The following RIN2 variants were observed in gnomAD, a reference collection of about 807,000 sequenced individuals.
RIN2 encodes the protein RAB5 interacting protein 2.
Under a neutral mutation model 78.0 loss-of-function variants are expected in RIN2, and 36 were observed. The ratio of observed to expected loss-of-function variants is 0.46; its 90% CI spans 0.35 to 0.61. The LOEUF is 0.61. Among genes scored for constraint, RIN2 ranks in the 20% least tolerant of loss-of-function variants. The pLI is 0.00. For missense variants in RIN2, 1,087 were observed against 1,159.7 expected (o/e 0.94, Z 0.91); for synonymous variants, 466 against 466.8 (o/e 1.00, Z 0.02).
At chr20:19,955,198 G>A (rs941951220) in intron 4 of RIN2, among the ~76,000 whole-genome samples, 2 of 152,120 alleles carry the variant, frequency 1.3e-5, no homozygotes, top group African/African-American at 4.8e-5. Flanking sequence ...TGTAAATCGA[G>A]TCATTCAGTA....
intron 3 of RIN2, among the ~76,000 whole-genome samples, chr20:19,928,558 A>T (rs907664407): frequency 1.3e-5 from 2 of 152,110 alleles, no homozygotes; most frequent in Non-Finnish European, 2.9e-5. Flanking sequence ...CCTGCACCAG[A>T]CTGGAACTCA....
intron 2 of RIN2, among the ~76,000 whole-genome samples, chr20:19,866,382 G>T (rs190672155): frequency 6.6e-6 from 1 of 152,256 alleles, no homozygotes; most frequent in Non-Finnish European, 1.5e-5. Flanking sequence ...ATATAGGACT[G>T]ATGAACTCCA....
intron 1 of RIN2, among the ~76,000 whole-genome samples, chr20:19,789,142 G>A (rs1460171609): frequency 6.6e-6 from 1 of 152,114 alleles, no homozygotes; most frequent in Admixed American, 6.6e-5. Context: ...TACAACAAAG[G>A]CTACACTGCA....
At chr20:19,853,143 T>C (rs954147785) in intron 2 of RIN2, among the ~76,000 whole-genome samples, 51 of 151,726 alleles carry the variant, frequency 3.4e-4, no homozygotes, top group Admixed American at 2.9e-3. Context: ...TTTGGTTTTT[T>C]GTCCTTGCGA....
chr20:19,789,684 C>T (rs2034827612), intron 1 of RIN2, among the ~76,000 whole-genome samples: 1 of 152,216 alleles, frequency 6.6e-6, no homozygotes, highest in Non-Finnish European at 1.5e-5. Context: ...GTAGGACTCT[C>T]AGGGACATCC....
chr20:19,960,695 A>G lies in RIN2; in HGVS notation c.352-5A>G. The G allele has an allele frequency of 6.4e-7, 1 of 1,572,900 alleles. No individual in the cohort carries two copies. Among genetic ancestry groups the G allele is most frequent in the South Asian group, 1.2e-5 (1 of 86,080 alleles). ...TAAAGCTTGTATTTCTTTTCCCTCC[A>G]CTAGATCTTCCTGGTTCATAAATCT... is the stretch of plus-strand genomic sequence containing the variant. On this transcript the variant is annotated splice_region_variant and splice_polypyrimidine_tract_variant and intron_variant, in intron 5 of 12. Coordinates refer to ENST00000255006, the MANE Select transcript of RIN2 (RefSeq NM_018993.4).
At chr20:19,794,532 C>CAA (rs10530809) in intron 1 of RIN2, among the ~76,000 whole-genome samples, 70 of 88,562 alleles carry the variant, frequency 7.9e-4, no homozygotes, top group Non-Finnish European at 1.4e-3. Flanking sequence ...ACCCTGTATC[C>CAA]AAAAAAAAAA....
At position 19,769,372 on chromosome 20, in the gene RIN2, G is replaced by A. The variant is rs576458219; in HGVS notation, c.-163+11045G>A. Among the ~76,000 whole-genome samples, 208 of 152,210 alleles carry A rather than the reference G, an allele frequency of 1.4e-3. 1 individual carries two copies. The highest frequency in any genetic ancestry group is 2.6e-3 in the Non-Finnish European group (179 of 68,002). On this transcript the variant is annotated intron_variant, in intron 1 of 12. Coordinates refer to ENST00000255006, the MANE Select transcript of RIN2 (RefSeq NM_018993.4). ...ATCTGAAGAAGAATCTTCTAACTAG[G>A]TCAGGGCACAGCACACACCCTCACC...
At chr20:19,925,574 T>A (rs535935921) in intron 3 of RIN2, among the ~76,000 whole-genome samples, 1 of 152,172 alleles carries the variant, frequency 6.6e-6, no homozygotes, top group South Asian at 2.1e-4. Flanking sequence ...AACTTAATTT[T>A]AAAAAATCAA....
intron 2 of RIN2, among the ~76,000 whole-genome samples, chr20:19,868,446 T>C (rs147156602): frequency 9.2e-5 from 14 of 152,380 alleles, no homozygotes; most frequent in African/African-American, 2.6e-4. Flanking sequence ...AATTATTTAG[T>C]GTCCAGCACT....
At chr20:19,895,475 T>C (rs2038679709) in intron 3 of RIN2, among the ~76,000 whole-genome samples, 1 of 152,094 alleles carries the variant, frequency 6.6e-6, no homozygotes, top group South Asian at 2.1e-4. Flanking sequence ...CTTCTAACCT[T>C]CCTTGGCCTC....
intron 2 of RIN2, among the ~76,000 whole-genome samples, chr20:19,879,820 G>C (rs2037965439): frequency 6.6e-6 from 1 of 152,180 alleles, no homozygotes; most frequent in Non-Finnish European, 1.5e-5. Flanking sequence ...AGAGAATAAA[G>C]TAGGTTTGTA....
chr20:19,854,439 G>A (rs993884540), intron 2 of RIN2, among the ~76,000 whole-genome samples: 5 of 152,164 alleles, frequency 3.3e-5, no homozygotes, highest in Admixed American at 6.5e-5. Flanking sequence ...AGCTTGATGG[G>A]GATGGCATTG....
Position 19,975,165 on chromosome 20 carries a change from C to T in RIN2, c.1140C>T (p.Gly380=), listed in dbSNP as rs2146320882. 3 of 1,611,604 alleles carry T rather than the reference C, an allele frequency of 1.9e-6. No individual in the cohort carries two copies. Among genetic ancestry groups the T allele is most frequent in the African/African-American group, 1.3e-5 (1 of 74,996 alleles). ...GCGGTGCAAAGACCTTGAGCGGCGG[C>T]CGGCCGGGCGCAGGCCCGGAGCTGG... ...AEGGAKTLSG[G]RPGAGPELEL... is the part of the protein sequence containing the mutation. Residue 380 remains glycine, a synonymous_variant, in exon 9 of 13, where the codon GGC becomes GGT. Coordinates refer to ENST00000255006, the MANE Select transcript of RIN2 (RefSeq NM_018993.4). This position sits in a 1 kb window ranked among gnomAD's most constrained non-coding sequence, Gnocchi z 4.9.
chr20:19,919,361 A>G (rs769434157), intron 3 of RIN2, among the ~76,000 whole-genome samples: 12 of 152,244 alleles, frequency 7.9e-5, no homozygotes, highest in Admixed American at 7.2e-4. Flanking sequence ...CCTGAGCTCT[A>G]TGAAGACATA....
At chr20:19,881,452 G>A (rs1334009078) in intron 2 of RIN2, among the ~76,000 whole-genome samples, 1 of 152,166 alleles carries the variant, frequency 6.6e-6, no homozygotes, top group Admixed American at 6.5e-5. Context: ...AAGCAAATTA[G>A]TACATGAGAT....
chr20:19,857,685 C>A (rs912588915), intron 2 of RIN2, among the ~76,000 whole-genome samples: 1 of 152,026 alleles, frequency 6.6e-6, no homozygotes, highest in African/African-American at 2.4e-5. Flanking sequence ...CTCAATGTGG[C>A]TTTAATCTGG....
intron 2 of RIN2, among the ~76,000 whole-genome samples, chr20:19,882,905 T>C (rs2038068315): frequency 6.6e-6 from 1 of 152,216 alleles, no homozygotes; most frequent in South Asian, 2.1e-4. Flanking sequence ...GCTAGGTATC[T>C]TATGAATGCA....
chr20:19,773,908 T>C (rs1199408130), intron 1 of RIN2, among the ~76,000 whole-genome samples: 1 of 148,228 alleles, frequency 6.7e-6, no homozygotes, highest in Non-Finnish European at 1.5e-5. Flanking sequence ...TATTATAAAA[T>C]ATTATATATA....
Sources: allele counts gnomAD v4.1 joint callset (sites outside exome capture counted in the v4.1 genomes callset), GRCh38; gene constraint gnomAD v4.1.1; non-coding constraint Gnocchi (gnomAD v3.1); transcripts MANE v1.5; gene names NCBI Gene and HGNC (gene_info 2026-07-23, HGNC 2026-07-21).